The following MYO10 variants were observed in gnomAD, a reference collection of about 807,000 sequenced individuals.
The protein encoded by MYO10 is myosin X.
A neutral mutation model predicts 257.3 loss-of-function variants in MYO10; 133 were observed. The ratio of observed to expected loss-of-function variants is 0.52; its 90% confidence interval spans 0.45 to 0.60. The LOEUF (loss-of-function observed/expected upper bound fraction) is 0.60, where lower values mean the gene tolerates loss of function less well. MYO10 is among the 20% of genes least tolerant of loss of function. The probability of loss-of-function intolerance (pLI) is 0.00; values close to 1 mark genes in which losing one functional copy is unlikely to be tolerated. For missense variants in MYO10, 2,399 were observed against 2,635.7 expected (o/e 0.91, Z 1.97); for synonymous variants, 1,104 against 1,028.6 (o/e 1.07, Z -1.40).
chr5:16,866,507 G>A (rs1044714464), intron 2 of MYO10, among the ~76,000 whole-genome samples: 10 of 151,966 alleles, frequency 6.6e-5, no homozygotes, highest in South Asian at 2.1e-4. Flanking sequence ...CTCTAGAAAC[G>A]GCAATTTCAT....
intron 14 of MYO10, among the ~76,000 whole-genome samples, chr5:16,762,971 A>G (rs1387359092): frequency 6.8e-6 from 1 of 147,186 alleles, no homozygotes; most frequent in Non-Finnish European, 1.5e-5. Flanking sequence ...CTCAGGGGAA[A>G]AAAAAAAAAA....
intron 19 of MYO10, 88 bp from the exon 20 acceptor site, chr5:16,711,333 G>T (rs1479994330): frequency 2.2e-6 from 3 of 1,362,196 alleles, no homozygotes; most frequent in Non-Finnish European, 3.0e-6. Flanking sequence ...TCCATCATTG[G>T]TTTACCCCGC....
Position 16,758,118 on chromosome 5 carries a change from C to A in MYO10, c.1848G>T (p.Lys616Asn). 1 of 1,600,726 alleles carries A rather than the reference C, an allele frequency of 6.2e-7. No homozygotes were observed. The highest frequency in any genetic ancestry group is 1.1e-5 in the South Asian group (1 of 90,814). ...CTCTAAGCCAGCAGTGAAAACGAACCTTGAACTGTGAGCTGACTGTAGGCC... is the reference window on the plus strand; with the variant it reads ...CTCTAAGCCAGCAGTGAAAACGAACATTGAACTGTGAGCTGACTGTAGGCC... ...HRRPTVSSQF[K>N]DSLHSLMATL... Residue 616 changes from lysine to asparagine, a missense_variant and splice_region_variant, in exon 18 of 41, where the codon AAG becomes AAT. Physicochemically the swap from Lys to Asn is moderately conservative, Grantham distance 94 (BLOSUM62 0). Around this residue, in one of 3 missense-constraint regions of MYO10, gnomAD observed 1,820 missense variants for 1,939.4 expected, o/e 0.94. Transcript: ENST00000513610.
At chr5:16,783,884 A>T (rs11133859) in intron 4 of MYO10, among the ~76,000 whole-genome samples, 1 of 152,168 alleles carries the variant, frequency 6.6e-6, no homozygotes, top group Non-Finnish European at 1.5e-5. Flanking sequence ...GCAGGTACAC[A>T]TGAATAAAAA....
intron 1 of MYO10, among the ~76,000 whole-genome samples, chr5:16,893,549 G>A (rs1428592212): frequency 2.0e-5 from 3 of 149,224 alleles, no homozygotes; most frequent in Non-Finnish European, 3.0e-5. Flanking sequence ...TGGGAGAATC[G>A]CTTGAACTCG....
chr5:16,738,221 T>C, intron 19 of MYO10: 2 of 985,196 alleles, frequency 2.0e-6, no homozygotes, highest in Non-Finnish European at 1.2e-6. Context: ...AGGCCATGCC[T>C]ACCTCCAGAG....
At position 16,935,987 on chromosome 5, in the gene MYO10, A is replaced by AC; in HGVS notation, c.-180dup. 1.4e-6 allele frequency: 1 copy of AC among 704,280 alleles called. No individual in the cohort carries two copies. The highest frequency in any genetic ancestry group is 2.4e-6 in the Non-Finnish European group (1 of 417,412). 43.6% of individuals were successfully genotyped at this position (704,280 alleles called of 1,614,324 possible). On this transcript the variant is annotated 5_prime_UTR_variant, in exon 1 of 41. Transcript: ENST00000513610. The stretch of plus-strand genomic sequence containing the variant: ...TCCTTCTCACCTTTTGTTCGCCCAA[A>AC]CCCAAGTCCCTAACTCGCCCGTCCC...
At position 16,935,822 on chromosome 5, in the gene MYO10, T is replaced by C; in HGVS notation, c.-14A>G. On this transcript the variant is annotated 5_prime_UTR_variant, in exon 1 of 41. Transcript: ENST00000513610. The stretch of plus-strand genomic sequence containing the variant: ...GAAGTTATCCATTGTTCCAGCGCAG[T>C]CCCGGACTCGCCGAGTGCCGCTCCG... 6.2e-7 allele frequency: 1 copy of C among 1,612,842 alleles called. No individual in the cohort carries two copies. The highest frequency in any genetic ancestry group is 8.5e-7 in the Non-Finnish European group (1 of 1,179,570).
At chr5:16,751,649 T>TA (rs1491318769) in intron 19 of MYO10, among the ~76,000 whole-genome samples, 1 of 125,602 alleles carries the variant, frequency 8.0e-6, no homozygotes, top group Non-Finnish European at 1.7e-5. Flanking sequence ...ACCTGGCTAA[T>TA]TTTTTTTTTT....
intron 14 of MYO10, among the ~76,000 whole-genome samples, chr5:16,763,077 G>A (rs868772932): frequency 2.0e-5 from 3 of 151,574 alleles, no homozygotes; most frequent in Non-Finnish European, 2.9e-5. Context: ...GTAATTTCTC[G>A]ATTGGAAAAT....
At chr5:16,723,085 A>G (rs1410265617) in intron 19 of MYO10, among the ~76,000 whole-genome samples, 1 of 152,182 alleles carries the variant, frequency 6.6e-6, no homozygotes, top group African/African-American at 2.4e-5. Context: ...GGGAATTACA[A>G]ATTAAAACAG....
chr5:16,907,184 G>A (rs1183423403), intron 1 of MYO10, among the ~76,000 whole-genome samples: 1 of 152,056 alleles, frequency 6.6e-6, no homozygotes, highest in Non-Finnish European at 1.5e-5. Flanking sequence ...CGCCATTTCT[G>A]GTAGCCACTT....
At chr5:16,813,417 A>G (rs1742500973) in intron 3 of MYO10, among the ~76,000 whole-genome samples, 2 of 151,842 alleles carry the variant, frequency 1.3e-5, no homozygotes, top group African/African-American at 4.9e-5. Context: ...ATAGTCCTAT[A>G]TATTATATAC....
At chr5:16,774,135 G>A (rs893651763) in intron 9 of MYO10, among the ~76,000 whole-genome samples, 5 of 152,128 alleles carry the variant, frequency 3.3e-5, no homozygotes, top group Non-Finnish European at 7.3e-5. Flanking sequence ...AAAACCATGG[G>A]AAATTCTATG....
intron 27 of MYO10, 131 bp downstream of exon 27, chr5:16,694,240 T>C (rs25911): frequency 0.53 from 716,692 of 1,363,672 alleles, 190,219 homozygotes; most frequent in African/African-American, 0.58. Context: ...TAATTTAACC[T>C]ACTGAACTGA....
At chr5:16,879,899 C>T (rs1351451272) in intron 1 of MYO10, among the ~76,000 whole-genome samples, 6 of 152,172 alleles carry the variant, frequency 3.9e-5, no homozygotes, top group African/African-American at 1.2e-4. Context: ...AGCCAGAGGC[C>T]GGACGTGGTG....
chr5:16,848,630 G>C (rs181545786), intron 2 of MYO10, among the ~76,000 whole-genome samples: 1 of 151,784 alleles, frequency 6.6e-6, no homozygotes, highest in African/African-American at 2.4e-5. Flanking sequence ...GGAAACGCTC[G>C]TCGTTATGGC....
At chr5:16,862,664 CA>C (rs1210869288) in intron 2 of MYO10, among the ~76,000 whole-genome samples, 1 of 152,180 alleles carries the variant, frequency 6.6e-6, no homozygotes, top group Non-Finnish European at 1.5e-5. Context: ...ATTCCAGTCA[CA>C]AATTACTGCC....
intron 2 of MYO10, among the ~76,000 whole-genome samples, chr5:16,826,303 T>C (rs1240042591): frequency 6.6e-6 from 1 of 152,220 alleles, no homozygotes; most frequent in Admixed American, 6.5e-5. Context: ...TTCATTTCTC[T>C]GGCCCAGTAT....
Sources: gnomAD v4.1 joint callset for allele counts (sites outside exome capture counted in the v4.1 genomes callset) on GRCh38, gnomAD v4.1.1 for gene constraint, gnomAD v4.1.1 regional missense constraint, MANE v1.5 for transcripts, NCBI Gene and HGNC (gene_info 2026-07-23, HGNC 2026-07-21) for gene names.